Variants in CD2AP observed in about 807,000 individuals in gnomAD.
CD2AP encodes CD2 associated protein, also known as CD2-associated protein.
In CD2AP, 46 loss-of-function variants were observed where a neutral mutation model predicts 85.1. The observed-to-expected ratio is 0.54, with a 90% CI of 0.43 to 0.69. The LOEUF is 0.69. Ranked by LOEUF, CD2AP falls within the 30% of genes least tolerant of loss-of-function variation. CD2AP has a pLI of 0.00. For synonymous variants in CD2AP, 255 were observed against 252.9 expected (o/e 1.01, Z -0.08); for missense variants, 769 against 729.5 (o/e 1.05, Z -0.62).
chr6:47,524,628 C>T (rs1766676426), intron 2 of CD2AP, among the ~76,000 whole-genome samples: 1 of 151,674 alleles, frequency 6.6e-6, no homozygotes, highest in African/African-American at 2.4e-5. Flanking sequence ...TTCCACTGTA[C>T]TTCACTTGGC....
chr6:47,500,990 G>A (rs1562005015), intron 1 of CD2AP, among the ~76,000 whole-genome samples: 1 of 152,022 alleles, frequency 6.6e-6, no homozygotes, highest in African/African-American at 2.4e-5. Context: ...CTTGTGATCC[G>A]CCTGCCTCCG....
chr6:47,553,351 G>GTT (rs1164649256), intron 4 of CD2AP, among the ~76,000 whole-genome samples: 17 of 140,598 alleles, frequency 1.2e-4, no homozygotes, highest in Middle Eastern at 3.8e-3. Context: ...TTTAAATTTT[G>GTT]TTTTTTTTTT....
intron 1 of CD2AP, among the ~76,000 whole-genome samples, chr6:47,491,312 A>C (rs1245297997): frequency 6.6e-6 from 1 of 151,538 alleles, no homozygotes; most frequent in Non-Finnish European, 1.5e-5. Context: ...TGTAATATAT[A>C]TAAAATCAGG....
rs754708249 is a variant in CD2AP at position 47,608,018 on chromosome 6, A to G, written c.1622A>G (p.Tyr541Cys). 1.9e-6 allele frequency: 3 copies of G among 1,607,458 alleles called. No homozygotes were observed. The highest frequency in any genetic ancestry group is 2.6e-6 in the Non-Finnish European group (3 of 1,174,410). ...TCTGAATTAAAAAAAGATACATGCT[A>G]CTCTCCAAAGGTGAGGTGCATTGTG... is the stretch of plus-strand genomic sequence containing the variant. The part of the protein sequence containing the change: ...KPSELKKDTC[Y>C]SPKPSVYLST... The change falls in exon 15 of 18, where the codon TAC becomes TGC. Residue 541 changes from tyrosine to cysteine, a missense_variant. Coordinates refer to ENST00000359314, the MANE Select transcript of CD2AP (RefSeq NM_012120.3).
intron 4 of CD2AP, among the ~76,000 whole-genome samples, chr6:47,545,351 C>T (rs568939851): frequency 5.7e-4 from 87 of 152,268 alleles, no homozygotes; most frequent in Admixed American, 9.8e-4. Context: ...CAGCAAGATC[C>T]ACCCAAGGAG....
At chr6:47,623,856 A>G (rs1339827253) in intron 17 of CD2AP, among the ~76,000 whole-genome samples, 1 of 152,108 alleles carries the variant, frequency 6.6e-6, no homozygotes, top group Non-Finnish European at 1.5e-5. Context: ...ATACATGTAC[A>G]TTTCTTAATT....
At chr6:47,508,427 G>A (rs1436873502) in intron 2 of CD2AP, among the ~76,000 whole-genome samples, 1 of 151,688 alleles carries the variant, frequency 6.6e-6, no homozygotes, top group Non-Finnish European at 1.5e-5. Context: ...TGACCTCTCT[G>A]TATTCAGTGA....
chr6:47,523,502 GTAAAAA>G (rs1338801833), intron 2 of CD2AP, among the ~76,000 whole-genome samples: 1 of 152,046 alleles, frequency 6.6e-6, no homozygotes, highest in African/African-American at 2.4e-5. Flanking sequence ...TTGACAATAA[GTAAAAA>G]TAAAAATAAA....
intron 1 of CD2AP, among the ~76,000 whole-genome samples, chr6:47,496,335 G>C (rs1170617489): frequency 1.3e-5 from 2 of 152,126 alleles, no homozygotes; most frequent in East Asian, 1.9e-4. Context: ...CCATTAGTCT[G>C]AATGTTGCTT....
chr6:47,490,088 A>C (rs1765689701), intron 1 of CD2AP, among the ~76,000 whole-genome samples: 1 of 149,626 alleles, frequency 6.7e-6, no homozygotes, highest in Non-Finnish European at 1.5e-5. Flanking sequence ...TAATCCTTCC[A>C]CCTTAGTCTC....
chr6:47,614,076 T>G (rs940576614), intron 17 of CD2AP, among the ~76,000 whole-genome samples: 6 of 152,234 alleles, frequency 3.9e-5, no homozygotes, highest in South Asian at 2.1e-4. Flanking sequence ...AAGGAAATGT[T>G]ACAGTTGGTT....
At chr6:47,523,080 C>G (rs775045314) in intron 2 of CD2AP, among the ~76,000 whole-genome samples, 20 of 152,064 alleles carry the variant, frequency 1.3e-4, no homozygotes, top group South Asian at 8.3e-4. Context: ...TTTTAAAAAT[C>G]TTTTGCTTTA....
At chr6:47,537,241 A>G (rs1442846997) in intron 3 of CD2AP, among the ~76,000 whole-genome samples, 2 of 152,208 alleles carry the variant, frequency 1.3e-5, no homozygotes, top group African/African-American at 4.8e-5. Flanking sequence ...GCTGAAGAAA[A>G]TAGTAACATT....
intron 5 of CD2AP, among the ~76,000 whole-genome samples, chr6:47,559,308 G>A (rs1767786297): frequency 6.7e-6 from 1 of 150,168 alleles, no homozygotes; most frequent in African/African-American, 2.5e-5. Context: ...TGCCGAGCCT[G>A]GTGTGCAGTA....
chr6:47,518,990 T>G (rs1442215120), intron 2 of CD2AP, among the ~76,000 whole-genome samples: 3 of 152,222 alleles, frequency 2.0e-5, no homozygotes. Context: ...TGTTTTATTC[T>G]TATCTATTTG....
intron 2 of CD2AP, among the ~76,000 whole-genome samples, chr6:47,531,559 C>G (rs78875393): frequency 6.6e-6 from 1 of 150,760 alleles, no homozygotes; most frequent in Non-Finnish European, 1.5e-5. Flanking sequence ...ATAAACAATC[C>G]TCCTGTTCTC....
At chr6:47,512,300 C>T (rs1008839094) in intron 2 of CD2AP, among the ~76,000 whole-genome samples, 36 of 152,184 alleles carry the variant, frequency 2.4e-4, no homozygotes, top group African/African-American at 8.7e-4. Flanking sequence ...CGAGATCGCA[C>T]CACTGCACTC....
chr6:47,586,013 G>T (rs1042495517), intron 11 of CD2AP, among the ~76,000 whole-genome samples: 4 of 152,160 alleles, frequency 2.6e-5, no homozygotes, highest in African/African-American at 9.7e-5. Flanking sequence ...GGCGTCCATT[G>T]TCTGATTAAA....
chr6:47,607,519 G>A (rs550150986), intron 14 of CD2AP, among the ~76,000 whole-genome samples: 10 of 152,038 alleles, frequency 6.6e-5, no homozygotes, highest in Admixed American at 3.3e-4. Context: ...GTAATAACTC[G>A]TAGTTTTGAT....
Sources: allele counts gnomAD v4.1 joint callset (sites outside exome capture counted in the v4.1 genomes callset), GRCh38; gene constraint gnomAD v4.1.1; transcripts MANE v1.5; gene names NCBI Gene and HGNC (gene_info 2026-07-23, HGNC 2026-07-21).